The following WWC1 variants were observed in gnomAD, a reference collection of about 807,000 sequenced individuals.
WWC1 encodes protein KIBRA.
A neutral mutation model predicts 138.4 loss-of-function variants in WWC1; 55 were observed. That is an observed-to-expected ratio of 0.40 (90% CI 0.32 to 0.50). The LOEUF is 0.50. WWC1 is among the 20% of genes least tolerant of loss of function. The pLI is 0.72. For missense variants in WWC1, 1,226 were observed against 1,420.4 expected (o/e 0.86, Z 2.20); for synonymous variants, 524 against 564.9 (o/e 0.93, Z 1.03).
chr5:168,460,828 G>A, intron 20 of WWC1, 86 bp downstream of exon 20: 1 of 1,372,970 alleles, frequency 7.3e-7, no homozygotes, highest in South Asian at 1.2e-5. Context: ...ATCTCCTAAT[G>A]TCTGGCCATT....
chr5:168,339,975 CTT>C (rs1166895096), intron 1 of WWC1, among the ~76,000 whole-genome samples: 2,301 of 108,802 alleles, frequency 0.021, 84 homozygotes, highest in African/African-American at 0.068. Flanking sequence ...CTCTGTCTCT[CTT>C]TCTCTCTTTC....
intron 1 of WWC1, among the ~76,000 whole-genome samples, chr5:168,337,365 CT>C (rs1320793055): frequency 6.6e-6 from 1 of 151,890 alleles, no homozygotes; most frequent in East Asian, 1.9e-4. Flanking sequence ...GTTTTGACAT[CT>C]CCTCTCTTTC....
chr5:168,439,727 G>A (rs1317596629), intron 15 of WWC1, among the ~76,000 whole-genome samples: 1 of 152,122 alleles, frequency 6.6e-6, no homozygotes, highest in Non-Finnish European at 1.5e-5. Context: ...TTCTGCAGGT[G>A]TATCTGTGGG....
chr5:168,304,073 T>C (rs1168516089), intron 1 of WWC1, among the ~76,000 whole-genome samples: 2 of 152,236 alleles, frequency 1.3e-5, no homozygotes, highest in Non-Finnish European at 2.9e-5. Flanking sequence ...AGAATCCATC[T>C]CATAGAGTTA....
intron 11 of WWC1, among the ~76,000 whole-genome samples, chr5:168,425,242 A>G (rs1053458102): frequency 1.3e-5 from 2 of 152,096 alleles, no homozygotes; most frequent in Non-Finnish European, 2.9e-5. Context: ...CAGCATGCAC[A>G]TTCATGCCAA....
intron 4 of WWC1, 34 bp downstream of exon 4, chr5:168,397,834 AT>A (rs1261656429): frequency 1.9e-6 from 3 of 1,612,736 alleles, no homozygotes; most frequent in Admixed American, 3.3e-5. Flanking sequence ...TGTGCTAGTG[AT>A]TGGGGCCACT....
chr5:168,372,330 C>G (rs552610773), intron 2 of WWC1, among the ~76,000 whole-genome samples: 27 of 152,264 alleles, frequency 1.8e-4, no homozygotes, highest in African/African-American at 6.5e-4. Context: ...AGACTGTTCT[C>G]TGAAATTTGC....
intron 4 of WWC1, among the ~76,000 whole-genome samples, chr5:168,398,155 G>A (rs1464982187): frequency 6.6e-6 from 1 of 151,612 alleles, no homozygotes; most frequent in East Asian, 1.9e-4. Context: ...CCAGGCTGGA[G>A]TGCAGTGGCA....
intron 3 of WWC1, among the ~76,000 whole-genome samples, chr5:168,389,693 C>T (rs938427259): frequency 4.6e-5 from 7 of 150,598 alleles, no homozygotes; most frequent in Admixed American, 2.7e-4. Context: ...CATTCTCTAC[C>T]GACTGAACCA....
At chr5:168,398,182 C>T (rs140627112) in intron 4 of WWC1, among the ~76,000 whole-genome samples, 3,599 of 152,234 alleles carry the variant, frequency 0.024, 155 homozygotes, top group African/African-American at 0.083. Flanking sequence ...GCGCTCACTG[C>T]GTGCTCTGCC....
intron 15 of WWC1, 36 bp downstream of exon 15, chr5:168,431,480 GGC>G (rs776890277): frequency 9.1e-6 from 14 of 1,535,832 alleles, no homozygotes; most frequent in Admixed American, 1.8e-5. Context: ...CTGGCTGGCT[GGC>G]TGGCTGGCTG....
intron 3 of WWC1, among the ~76,000 whole-genome samples, chr5:168,390,625 C>T (rs1291742698): frequency 1.3e-5 from 2 of 152,232 alleles, no homozygotes; most frequent in African/African-American, 2.4e-5. Flanking sequence ...GCCAGGTTTG[C>T]CTTCCAAGTC....
chr5:168,401,535 A>G (rs898856690), intron 5 of WWC1, among the ~76,000 whole-genome samples: 6 of 152,174 alleles, frequency 3.9e-5, no homozygotes, highest in Non-Finnish European at 8.8e-5. Flanking sequence ...TTGAGGGACC[A>G]GTTGGTTCTT....
intron 1 of WWC1, among the ~76,000 whole-genome samples, chr5:168,314,203 G>C (rs984529245): frequency 6.9e-6 from 1 of 144,460 alleles, no homozygotes; most frequent in Admixed American, 7.2e-5. Context: ...GGAGGAACTG[G>C]AGTCTACAAT....
chr5:168,317,560 C>A (rs189066584), intron 1 of WWC1, among the ~76,000 whole-genome samples: 10 of 152,216 alleles, frequency 6.6e-5, no homozygotes, highest in African/African-American at 2.2e-4. Flanking sequence ...GCACTGAACC[C>A]AGGACTTCCC....
At chr5:168,339,957 C>G (rs1429432362) in intron 1 of WWC1, among the ~76,000 whole-genome samples, 2,290 of 93,692 alleles carry the variant, frequency 0.024, 85 homozygotes, top group African/African-American at 0.12. Context: ...CCCCCTCTCC[C>G]TCTCTCTCTC....
intron 17 of WWC1, among the ~76,000 whole-genome samples, chr5:168,447,019 C>T (rs1755336985): frequency 7.9e-5 from 12 of 152,172 alleles, no homozygotes; most frequent in Admixed American, 6.5e-4. Flanking sequence ...ACCGGTAAGA[C>T]CTTACTGAGC....
At chr5:168,334,249 A>C (rs910743332) in intron 1 of WWC1, among the ~76,000 whole-genome samples, 12 of 150,212 alleles carry the variant, frequency 8.0e-5, no homozygotes, top group African/African-American at 2.4e-4. Context: ...ACAACAACAA[A>C]AAACTCTTCT....
chr5:168,433,685 C>T (rs1479542697), intron 15 of WWC1, among the ~76,000 whole-genome samples: 1 of 152,236 alleles, frequency 6.6e-6, no homozygotes, highest in East Asian at 1.9e-4. Flanking sequence ...CTACAAGCGC[C>T]CACCACCACA....
Sources: gnomAD v4.1 joint callset for allele counts (sites outside exome capture counted in the v4.1 genomes callset) on GRCh38, gnomAD v4.1.1 for gene constraint, MANE v1.5 for transcripts, NCBI Gene and HGNC (gene_info 2026-07-23, HGNC 2026-07-21) for gene names.